ZNF234: variants seen among roughly 807,000 people sequenced by gnomAD.
ZNF234 encodes zinc finger protein 234.
A neutral mutation model predicts 10.3 loss-of-function variants in ZNF234; 4 were observed. The observed-to-expected ratio is 0.39, with a 90% CI of 0.19 to 0.89. The LOEUF is 0.89. Ranked by LOEUF, ZNF234 falls within the 40% of genes least tolerant of loss-of-function variation. The probability of loss-of-function intolerance (pLI) is 0.38; values close to 1 mark genes in which losing one functional copy is unlikely to be tolerated. For synonymous variants in ZNF234, 258 were observed against 280.1 expected (o/e 0.92, Z 0.79); for missense variants, 711 against 836.1 (o/e 0.85, Z 1.85).
chr19:44,146,296 C>T (rs896971798), intron 3 of ZNF234, among the ~76,000 whole-genome samples: 4 of 152,118 alleles, frequency 2.6e-5, no homozygotes, highest in African/African-American at 7.2e-5. Flanking sequence ...AATTACTCTA[C>T]GGATATCCCC....
chr19:44,151,242 G>A lies in ZNF234; in HGVS notation c.235+737G>A, dbSNP rs1481051307. Among the ~76,000 whole-genome samples, 3 of 151,776 alleles carry A rather than the reference G, an allele frequency of 2.0e-5. No homozygotes were observed. The East Asian group carries it at 5.8e-4, about 29-fold the overall frequency. The stretch of plus-strand genomic sequence containing the variant: ...TGGTAAGGACATTGCTCGCTCTGTC[G>A]CCCAGGCTGGAGTATAGTGGTGCAA... On this transcript the variant is annotated intron_variant, in intron 5 of 5. Coordinates refer to ENST00000426739, the MANE Select transcript of ZNF234 (RefSeq NM_006630.3).
chr19:44,149,024 A>T, intron 4 of ZNF234, 127 bp downstream of exon 4: 1 of 1,124,856 alleles, frequency 8.9e-7, no homozygotes, highest in East Asian at 2.4e-5. Context: ...TCCTATCAGT[A>T]GTTTTTAGTG....
At chr19:44,151,728 C>T (rs1968749366) in intron 5 of ZNF234, among the ~76,000 whole-genome samples, 1 of 152,108 alleles carries the variant, frequency 6.6e-6, no homozygotes, top group South Asian at 2.1e-4. Flanking sequence ...GCTTGTGGCC[C>T]TCTTCACAGC....
In ZNF234 at chr19:44,156,686, A is replaced by G. The variant is rs1347626740; in HGVS notation, c.670A>G (p.Arg224Gly). The G allele has an allele frequency of 1.2e-5, 20 of 1,614,092 alleles. No homozygotes were observed. Among genetic ancestry groups the G allele is most frequent in the Non-Finnish European group, 1.7e-5 (20 of 1,180,038 alleles). ...SQSSHLQTHQ[R>G]VHTVEKPFKC... is the part of the protein sequence containing the mutation. ...GAGCTCACATCTTCAAACTCATCAG[A>G]GAGTCCACACTGTAGAGAAACCATT... Residue 224 changes from arginine to glycine, a missense_variant, in exon 6 of 6, where the codon AGA (arginine) becomes GGA (glycine). Transcript: ENST00000426739.
At chr19:44,150,272 T>A (rs1205592029) in intron 4 of ZNF234, 141 bp from the exon 5 acceptor site, 2 of 543,414 alleles carry the variant, frequency 3.7e-6, no homozygotes, top group Admixed American at 7.0e-5. Context: ...TACTGATATT[T>A]CTTCATTAGG....
rs755578414 is a variant in ZNF234, at chr19:44,157,852, A to G, written c.1836A>G (p.Gln612=). The change falls in exon 6 of 6, where the codon CAA becomes CAG. Residue 612 remains glutamine, a synonymous_variant. Coordinates refer to ENST00000426739, the MANE Select transcript of ZNF234 (RefSeq NM_006630.3). ...GKHFSQASSL[Q]LHQSVHTGEK... is the part of the protein sequence containing the mutation. Reference sequence around the variant, plus strand: ...ACTTCAGTCAGGCCTCAAGTCTCCAACTTCATCAGAGTGTCCACACAGGAG... The same window carrying G: ...ACTTCAGTCAGGCCTCAAGTCTCCAGCTTCATCAGAGTGTCCACACAGGAG... 1.2e-6 allele frequency: 2 copies of G among 1,613,962 alleles called. No individual in the cohort carries two copies. Among genetic ancestry groups the G allele is most frequent in the Non-Finnish European group, 8.5e-7 (1 of 1,179,962 alleles).
rs200416333 is a variant in ZNF234 at position 44,157,362 on chromosome 19, C to T, written c.1346C>T (p.Ala449Val). ...QSSYLKIHLK[A>V]HSVQKPFKCE... The stretch of plus-strand genomic sequence containing the variant: ...TCATATCTTAAAATCCATCTGAAAG[C>T]ACATAGTGTACAGAAACCTTTTAAG... Residue 449 changes from alanine (A) to valine (V), a missense_variant, in exon 6 of 6, where the codon GCA becomes GTA. Transcript: ENST00000426739. The T allele has an allele frequency of 2.6e-4, 422 of 1,613,920 alleles. 2 individuals are homozygous for T. In the South Asian group the frequency reaches 4.4e-3, roughly 17 times the overall value.
In ZNF234 at chr19:44,156,279, C is replaced by A; in HGVS notation, c.263C>A (p.Thr88Asn). The A allele has an allele frequency of 1.3e-6, 2 of 1,572,770 alleles. No homozygotes were observed. Among genetic ancestry groups the A allele is most frequent in the Admixed American group, 3.8e-5 (2 of 53,108 alleles). ...SADKIQSEVE[T>N]VPEAGRHEEL... ...GACAAGATCCAAAGTGAGGTGGAGA[C>A]TGTTCCAGAAGCAGGACGACATGAA... Residue 88 changes from threonine (T) to asparagine (N), a missense_variant, in exon 6 of 6, where the codon ACT (threonine) becomes AAT (asparagine). By Grantham distance (65) the Thr-to-Asn change is moderately conservative. Transcript: ENST00000426739.
At position 44,159,378 on chromosome 19, in the gene ZNF234, C is replaced by T; in HGVS notation, c.*1259C>T. 4.6e-6 allele frequency: 1 copy of T among 217,920 alleles called. No individual in the cohort carries two copies. Among genetic ancestry groups the T allele is most frequent in the East Asian group, 1.1e-4 (1 of 8,778 alleles). The allele number at this position is 217,920 out of a possible 1,614,324, so 13.5% of individuals were successfully genotyped here. A position where few individuals can be genotyped will look rare whatever the true frequency, so the allele number is the denominator to read the frequency against. The stretch of plus-strand genomic sequence containing the variant: ...GTTTGGTAGAGAAAGGGTTTCACCA[C>T]ATTGCCCAGGCTGGTCTTGAACACC... On this transcript the variant is annotated 3_prime_UTR_variant, in exon 6 of 6. Transcript: ENST00000426739.
Position 44,157,676 on chromosome 19 carries a change from C to A in ZNF234, c.1660C>A (p.His554Asn). 6.2e-7 allele frequency: 1 copy of A among 1,613,476 alleles called. No individual in the cohort carries two copies. The highest frequency in any genetic ancestry group is 8.5e-7 in the Non-Finnish European group (1 of 1,179,836). Residue 554 changes from histidine to asparagine, a missense_variant, in exon 6 of 6, where the codon CAC becomes AAC. By Grantham distance (68) the His-to-Asn change is moderately conservative. Coordinates refer to ENST00000426739, the MANE Select transcript of ZNF234 (RefSeq NM_006630.3). ...ECGKSFSRSA[H>N]LQAHQKVHTG... Reference sequence around the variant, plus strand: ...TGGGAAGAGCTTCAGTCGGAGTGCACACCTTCAAGCCCATCAAAAAGTCCA... The same window carrying A: ...TGGGAAGAGCTTCAGTCGGAGTGCAAACCTTCAAGCCCATCAAAAAGTCCA...
At chr19:44,160,310 CAT>C (rs1373764214) in exon 6 of ZNF234, 1 of 152,166 alleles carries the variant, frequency 6.6e-6, no homozygotes, top group Non-Finnish European at 1.5e-5. Context: ...GACTAAGTAA[CAT>C]ATCAGTGATG....
Position 44,158,102 on chromosome 19 carries a change from G to T in ZNF234, c.2086G>T (p.Gly696Ter). 6.3e-7 allele frequency: 1 copy of T among 1,590,518 alleles called. No individual in the cohort carries two copies. The highest frequency in any genetic ancestry group is 8.5e-7 in the Non-Finnish European group (1 of 1,174,156). ...GAACATCAGAGAGTTGTCAGAGGGA[G>T]GAAGTTCTACAAGGTGATTAAAAAA... ...SKNIRELSEG[G>*]SSTR The change falls in exon 6 of 6, where the codon GGA becomes TGA. Residue 696 changes from glycine to a stop codon, truncating the protein, a stop_gained. Coordinates refer to ENST00000426739, the MANE Select transcript of ZNF234 (RefSeq NM_006630.3). LOFTEE classifies it high-confidence loss of function.
At chr19:44,151,775 G>A (rs756511266) in intron 5 of ZNF234, among the ~76,000 whole-genome samples, 10 of 152,080 alleles carry the variant, frequency 6.6e-5, no homozygotes, top group Non-Finnish European at 1.3e-4. Flanking sequence ...TTCTATAGTT[G>A]CATTTCCCTT....
intron 3 of ZNF234, among the ~76,000 whole-genome samples, chr19:44,147,831 A>T (rs1257790704): frequency 2.6e-5 from 4 of 152,178 alleles, no homozygotes; most frequent in African/African-American, 9.7e-5. Context: ...CAGCCTGGGC[A>T]ACAAGAGTGA....
At chr19:44,155,336 A>G (rs1968851443) in intron 5 of ZNF234, among the ~76,000 whole-genome samples, 1 of 152,104 alleles carries the variant, frequency 6.6e-6, no homozygotes, top group Admixed American at 6.6e-5. Context: ...ATAACTTTTG[A>G]CTCCCCTCTA....
At chr19:44,151,552 A>G (rs1420747504) in intron 5 of ZNF234, among the ~76,000 whole-genome samples, 1 of 152,198 alleles carries the variant, frequency 6.6e-6, no homozygotes, top group Admixed American at 6.5e-5. Context: ...TGAGTGGATT[A>G]AATGATAAAA....
chr19:44,148,979 C>G (rs765242513), intron 4 of ZNF234, 82 bp downstream of exon 4: 1 of 1,484,936 alleles, frequency 6.7e-7, no homozygotes, highest in Non-Finnish European at 9.0e-7. Flanking sequence ...CTTTGGAGGT[C>G]TTGAATTAGT....
At chr19:44,146,874 G>A (rs570795262) in intron 3 of ZNF234, among the ~76,000 whole-genome samples, 1 of 143,320 alleles carries the variant, frequency 7.0e-6, no homozygotes, top group Non-Finnish European at 1.5e-5. Context: ...GGAGTGCAGT[G>A]GTACGATCAC....
chr19:44,154,623 T>C, intron 5 of ZNF234, among the ~76,000 whole-genome samples: 1 of 121,504 alleles, frequency 8.2e-6, no homozygotes. Context: ...TTTTTTTCTC[T>C]TTTTCTTTTT....
Sources: allele counts gnomAD v4.1 joint callset (sites outside exome capture counted in the v4.1 genomes callset), GRCh38; gene constraint gnomAD v4.1.1; transcripts MANE v1.5; gene names NCBI Gene and HGNC (gene_info 2026-07-23, HGNC 2026-07-21).